KCNN3: variants seen among roughly 807,000 people sequenced by gnomAD.
The protein encoded by KCNN3 is potassium calcium-activated channel subfamily N member 3, also known as small conductance calcium-activated potassium channel protein 3.
In KCNN3, 16 loss-of-function variants were observed where a neutral mutation model predicts 62.9. The observed-to-expected ratio is 0.25, with a 90% CI of 0.17 to 0.39. KCNN3 has a LOEUF of 0.39. KCNN3 is among the 10% of genes least tolerant of loss of function. The pLI is 1.00. For missense variants in KCNN3, 599 were observed against 949.4 expected (o/e 0.63, Z 4.85); for synonymous variants, 370 against 389.2 (o/e 0.95, Z 0.58).
At chr1:154,853,399 G>C (rs1192798751) in intron 1 of KCNN3, among the ~76,000 whole-genome samples, 5 of 152,126 alleles carry the variant, frequency 3.3e-5, no homozygotes, top group African/African-American at 1.2e-4. Flanking sequence ...GCAGTGGCAC[G>C]ATCACAGCTC....
chr1:154,787,364 G>A (rs1175869215), intron 2 of KCNN3, among the ~76,000 whole-genome samples: 2 of 152,176 alleles, frequency 1.3e-5, no homozygotes, highest in South Asian at 2.1e-4. Flanking sequence ...CAGGGCATGC[G>A]GCAGCCACCA....
At position 154,772,237 on chromosome 1, in the gene KCNN3, G is replaced by T. The variant is rs760404240; in HGVS notation, c.1186C>A (p.Pro396Thr). Reference protein sequence around the residue: ...WTARLAFSYTPSRAEADVDII... With the variant: ...WTARLAFSYTTSRAEADVDII... Reference sequence around the variant, plus strand: ...TCCACATCGGCCTCCGCCCGGGAGGGTGTGTAGGAGAAGGCCAGGCGTGCC... The same window carrying T: ...TCCACATCGGCCTCCGCCCGGGAGGTTGTGTAGGAGAAGGCCAGGCGTGCC... The change falls in exon 3 of 8, where the codon CCC becomes ACC. Residue 396 changes from proline (P) to threonine (T), a missense_variant. Physicochemically the swap from Pro to Thr is conservative, Grantham distance 38. Transcript: ENST00000271915. The surrounding 1 kb of genome is among the most constrained non-coding windows in gnomAD (Gnocchi z 5.6). 4.3e-6 allele frequency: 7 copies of T among 1,614,246 alleles called. No homozygotes were observed. The highest frequency in any genetic ancestry group is 3.3e-5 in the Admixed American group (2 of 60,034).
intron 5 of KCNN3, among the ~76,000 whole-genome samples, chr1:154,715,378 G>C (rs754657890): frequency 3.4e-5 from 5 of 145,406 alleles, no homozygotes; most frequent in African/African-American, 5.1e-5. Flanking sequence ...AGAGGTTGCT[G>C]TGAGCTGAGA....
chr1:154,797,969 T>C (rs1368447603), intron 2 of KCNN3, among the ~76,000 whole-genome samples: 3 of 152,194 alleles, frequency 2.0e-5, no homozygotes, highest in African/African-American at 7.2e-5. Context: ...TGGCTCTAAT[T>C]GTCTTGGATC....
intron 3 of KCNN3, among the ~76,000 whole-genome samples, chr1:154,751,970 A>G (rs1356429004): frequency 2.0e-5 from 3 of 152,246 alleles, no homozygotes; most frequent in Non-Finnish European, 4.4e-5. Context: ...ACAGTTGTGT[A>G]AAGTGCCAGA....
At chr1:154,767,543 T>C (rs551985796) in intron 3 of KCNN3, among the ~76,000 whole-genome samples, 1 of 152,370 alleles carries the variant, frequency 6.6e-6, no homozygotes, top group East Asian at 1.9e-4. Flanking sequence ...GCCACTGCAC[T>C]GCTCAAGGCA....
intron 3 of KCNN3, among the ~76,000 whole-genome samples, chr1:154,738,397 G>A (rs1370116193): frequency 6.6e-6 from 1 of 152,174 alleles, no homozygotes; most frequent in Non-Finnish European, 1.5e-5. Flanking sequence ...ATCTGAATTG[G>A]CCAAAGTATT....
chr1:154,840,367 G>A (rs537657631), intron 1 of KCNN3, among the ~76,000 whole-genome samples: 18 of 152,244 alleles, frequency 1.2e-4, no homozygotes, highest in Admixed American at 3.9e-4. Flanking sequence ...GAGAAAAAGC[G>A]GCGTGTGAGA....
chr1:154,779,816 C>T (rs891368856), intron 2 of KCNN3, among the ~76,000 whole-genome samples: 1 of 152,220 alleles, frequency 6.6e-6, no homozygotes, highest in Non-Finnish European at 1.5e-5. Flanking sequence ...GTACAGAAAG[C>T]ACTTTCAGTT....
At position 154,869,053 on chromosome 1, in the gene KCNN3, G is replaced by C. The variant is rs879107575; in HGVS notation, c.912C>G (p.Leu304=). ...GIVVMVIETE[L]SWGLYSKDSM... ...CTACCTTTGAGTACAAACCCCAAGAGAGCTCGGTCTCTATCACCATAACAA... is the reference window on the plus strand; with the variant it reads ...CTACCTTTGAGTACAAACCCCAAGACAGCTCGGTCTCTATCACCATAACAA... Residue 304 remains leucine (L), a synonymous_variant, in exon 1 of 8, where the codon CTC becomes CTG. Coordinates refer to ENST00000271915, the MANE Select transcript of KCNN3 (RefSeq NM_002249.6). This position sits in a 1 kb window ranked among gnomAD's most constrained non-coding sequence, Gnocchi z 6.1. 1 of 1,614,124 alleles carries C rather than the reference G, an allele frequency of 6.2e-7. No individual in the cohort carries two copies. The highest frequency in any genetic ancestry group is 8.5e-7 in the Non-Finnish European group (1 of 1,180,030).
chr1:154,869,995 A>G lies in KCNN3; in HGVS notation c.-31T>C. ...GGCCTGGCTGTATTCCCTGCAGCAC[A>G]AGCCCCCACCCCAAAGCCACCCTCG... On this transcript the variant is annotated 5_prime_UTR_variant, in exon 1 of 8. Coordinates refer to ENST00000271915, the MANE Select transcript of KCNN3 (RefSeq NM_002249.6). The surrounding 1 kb of genome is among the most constrained non-coding windows in gnomAD (Gnocchi z 6.1). 1 of 1,603,938 alleles carries G rather than the reference A, an allele frequency of 6.2e-7. No individual in the cohort carries two copies. The highest frequency in any genetic ancestry group is 8.5e-7 in the Non-Finnish European group (1 of 1,174,816).
chr1:154,852,540 A>C (rs957064562), intron 1 of KCNN3, among the ~76,000 whole-genome samples: 5 of 152,122 alleles, frequency 3.3e-5, no homozygotes, highest in African/African-American at 1.2e-4. Context: ...TGTAAATTTT[A>C]TAAACTCTAA....
chr1:154,773,320 C>T (rs1648653136), intron 2 of KCNN3, among the ~76,000 whole-genome samples: 1 of 152,230 alleles, frequency 6.6e-6, no homozygotes, highest in East Asian at 1.9e-4. Context: ...CTTTGCTTCG[C>T]TCCCATATGG....
intron 5 of KCNN3, among the ~76,000 whole-genome samples, chr1:154,715,943 CA>C (rs1700226373): frequency 6.6e-6 from 1 of 152,128 alleles, no homozygotes; most frequent in South Asian, 2.1e-4. Flanking sequence ...CCCAAATGGC[CA>C]AAAACATTTG....
At chr1:154,720,630 G>GA (rs765156823) in intron 5 of KCNN3, among the ~76,000 whole-genome samples, 7 of 152,222 alleles carry the variant, frequency 4.6e-5, no homozygotes, top group Non-Finnish European at 8.8e-5. Context: ...TGTAATTAAA[G>GA]AAAAGTTTTC....
rs774300198 is a variant in KCNN3, at chr1:154,869,185, C to T, written c.780G>A (p.Lys260=). 1 of 1,614,158 alleles carries T rather than the reference C, an allele frequency of 6.2e-7. No homozygotes were observed. The highest frequency in any genetic ancestry group is 8.5e-7 in the Non-Finnish European group (1 of 1,180,022). ...TATAGCCAATGTTTTGGTTTTTCCG[C>T]TTGTTGGCTTTGGGGAAGGTGGTGC... ...ASSTTFPKAN[K]RKNQNIGYKL... The change falls in exon 1 of 8, where the codon AAG becomes AAA. Residue 260 remains lysine (K), a synonymous_variant. Coordinates refer to ENST00000271915, the MANE Select transcript of KCNN3 (RefSeq NM_002249.6). This position sits in a 1 kb window ranked among gnomAD's most constrained non-coding sequence, Gnocchi z 6.1.
chr1:154,775,309 T>A (rs989696374), intron 2 of KCNN3, among the ~76,000 whole-genome samples: 15 of 152,112 alleles, frequency 9.9e-5, no homozygotes, highest in Admixed American at 9.8e-4. Flanking sequence ...ACCTGTGATA[T>A]GTTTCTGCAG....
chr1:154,813,448 G>A (rs1650520510), intron 2 of KCNN3, among the ~76,000 whole-genome samples: 1 of 152,066 alleles, frequency 6.6e-6, no homozygotes, highest in African/African-American at 2.4e-5. Context: ...AAGCCCGCAG[G>A]GGAGGAGGCG....
chr1:154,851,254 G>A (rs1652288814), intron 1 of KCNN3, among the ~76,000 whole-genome samples: 1 of 152,186 alleles, frequency 6.6e-6, no homozygotes, highest in Non-Finnish European at 1.5e-5. Context: ...TGGGATTACA[G>A]GCGTGAGCCA....
Sources: gnomAD v4.1 joint callset for allele counts (sites outside exome capture counted in the v4.1 genomes callset) on GRCh38, gnomAD v4.1.1 for gene constraint, Gnocchi (gnomAD v3.1) non-coding constraint, MANE v1.5 for transcripts, NCBI Gene and HGNC (gene_info 2026-07-23, HGNC 2026-07-21) for gene names.